The following PTPRD variants were observed in gnomAD, a reference collection of about 807,000 sequenced individuals.
PTPRD encodes receptor-type tyrosine-protein phosphatase delta.
A neutral mutation model predicts 214.5 loss-of-function variants in PTPRD; 34 were observed. That is an observed-to-expected ratio of 0.16 (90% CI 0.12 to 0.21). The LOEUF (loss-of-function observed/expected upper bound fraction) is 0.21. Among genes scored for constraint, PTPRD ranks in the 10% least tolerant of loss-of-function variants. PTPRD has a pLI of 1.00. For missense variants in PTPRD, 2,545 were observed against 2,398.7 expected (o/e 1.06, Z -1.27); for synonymous variants, 1,128 against 845.7 (o/e 1.33, Z -5.79).
intron 39 of PTPRD, among the ~76,000 whole-genome samples, chr9:8,347,573 G>A (rs1423517004): frequency 1.3e-5 from 2 of 152,150 alleles, no homozygotes; most frequent in East Asian, 1.9e-4. Flanking sequence ...AAGTGCCATT[G>A]AAACTGAAAT....
intron 5 of PTPRD, among the ~76,000 whole-genome samples, chr9:9,798,281 TTAATA>T (rs1247952222): frequency 2.6e-5 from 4 of 152,152 alleles, no homozygotes; most frequent in South Asian, 4.1e-4. Flanking sequence ...TCATATTTAT[TTAATA>T]TGAGTTTTAC....
intron 7 of PTPRD, among the ~76,000 whole-genome samples, chr9:9,716,825 C>A (rs1182312975): frequency 2.0e-5 from 3 of 151,670 alleles, no homozygotes; most frequent in Non-Finnish European, 4.4e-5. Context: ...ATGGTAGTTT[C>A]TTTTGCTGTG....
At chr9:8,725,216 G>A (rs1157754086) in intron 12 of PTPRD, among the ~76,000 whole-genome samples, 2 of 152,170 alleles carry the variant, frequency 1.3e-5, no homozygotes, top group African/African-American at 2.4e-5. Flanking sequence ...TTTCAGAACA[G>A]ATGAGCCACT....
intron 2 of PTPRD, among the ~76,000 whole-genome samples, chr9:10,600,875 TATA>T (rs2077790196): frequency 6.6e-6 from 1 of 151,778 alleles, no homozygotes; most frequent in South Asian, 2.1e-4. Context: ...AGAAAATGCA[TATA>T]ATATTACAAA....
intron 8 of PTPRD, among the ~76,000 whole-genome samples, chr9:9,553,483 G>A (rs2080815148): frequency 6.6e-6 from 1 of 151,748 alleles, no homozygotes; most frequent in East Asian, 1.9e-4. Context: ...TAAGACAACT[G>A]CCCAAACTCT....
At chr9:8,586,418 G>C (rs1402798182) in intron 14 of PTPRD, among the ~76,000 whole-genome samples, 1 of 152,082 alleles carries the variant, frequency 6.6e-6, no homozygotes, top group Non-Finnish European at 1.5e-5. Flanking sequence ...CCATAGCAGT[G>C]TCAGCCTCTA....
chr9:10,337,331 T>C (rs568045952), intron 3 of PTPRD, among the ~76,000 whole-genome samples: 1 of 151,816 alleles, frequency 6.6e-6, no homozygotes, highest in African/African-American at 2.4e-5. Flanking sequence ...AAGATACAGA[T>C]ATGCTATTCA....
chr9:9,188,222 T>C (rs886877155), intron 9 of PTPRD, among the ~76,000 whole-genome samples: 3 of 152,132 alleles, frequency 2.0e-5, no homozygotes, highest in Admixed American at 1.3e-4. Flanking sequence ...ACATTCATGT[T>C]GTAATTTGTC....
intron 5 of PTPRD, among the ~76,000 whole-genome samples, chr9:9,785,795 T>C (rs970762408): frequency 2.0e-5 from 3 of 152,092 alleles, no homozygotes; most frequent in African/African-American, 4.8e-5. Flanking sequence ...ACAATGGCTA[T>C]GTCAGTTGTT....
At chr9:8,854,298 G>A (rs2097872848) in intron 11 of PTPRD, among the ~76,000 whole-genome samples, 1 of 152,124 alleles carries the variant, frequency 6.6e-6, no homozygotes, top group African/African-American at 2.4e-5. Context: ...AATACACAAT[G>A]AAACTAAAGA....
intron 5 of PTPRD, among the ~76,000 whole-genome samples, chr9:9,908,688 T>G (rs1381291683): frequency 2.0e-5 from 3 of 152,072 alleles, no homozygotes; most frequent in Admixed American, 1.3e-4. Flanking sequence ...TTTTCTGTTC[T>G]TTATCTTGCT....
chr9:10,000,334 C>G (rs2096276136), intron 4 of PTPRD, among the ~76,000 whole-genome samples: 1 of 152,080 alleles, frequency 6.6e-6, no homozygotes, highest in South Asian at 2.1e-4. Flanking sequence ...ATAATCCAAC[C>G]CTATATTTTT....
intron 10 of PTPRD, among the ~76,000 whole-genome samples, chr9:9,160,575 C>T (rs528294518): frequency 6.6e-6 from 1 of 152,158 alleles, no homozygotes; most frequent in Admixed American, 6.5e-5. Flanking sequence ...TTGTCTTTTG[C>T]TGGTGGAAAT....
At chr9:10,100,738 C>T (rs1591191698) in intron 3 of PTPRD, among the ~76,000 whole-genome samples, 1 of 151,590 alleles carries the variant, frequency 6.6e-6, no homozygotes, top group African/African-American at 2.4e-5. Flanking sequence ...TCGTAAGTGT[C>T]ATGTTCTGTT....
At chr9:9,421,399 G>C (rs1327950145) in intron 8 of PTPRD, among the ~76,000 whole-genome samples, 1 of 151,822 alleles carries the variant, frequency 6.6e-6, no homozygotes, top group African/African-American at 2.4e-5. Flanking sequence ...TATTTCTTAG[G>C]AATCACGAGA....
intron 2 of PTPRD, among the ~76,000 whole-genome samples, chr9:10,382,492 G>T (rs996485863): frequency 6.6e-6 from 1 of 151,982 alleles, no homozygotes; most frequent in African/African-American, 2.4e-5. Flanking sequence ...AAGAATTATT[G>T]AAATACAATC....
chr9:9,171,566 A>C (rs558439696), intron 10 of PTPRD, among the ~76,000 whole-genome samples: 70 of 152,082 alleles, frequency 4.6e-4, no homozygotes, highest in Non-Finnish European at 7.9e-4. Flanking sequence ...AGTTTGGAGG[A>C]AACAATCATG....
chr9:10,593,729 T>C (rs549733976), intron 2 of PTPRD, among the ~76,000 whole-genome samples: 81 of 152,076 alleles, frequency 5.3e-4, no homozygotes, highest in African/African-American at 1.9e-3. Flanking sequence ...TCCAGAGAAA[T>C]GTTAATGAAT....
At chr9:9,172,740 C>T (rs1429344401) in intron 10 of PTPRD, among the ~76,000 whole-genome samples, 1 of 152,090 alleles carries the variant, frequency 6.6e-6, no homozygotes, top group Non-Finnish European at 1.5e-5. Flanking sequence ...ATCCAGGTAG[C>T]TCTAAGCAAT....
Sources: allele counts gnomAD v4.1 joint callset (sites outside exome capture counted in the v4.1 genomes callset), GRCh38; gene constraint gnomAD v4.1.1; transcripts MANE v1.5; gene names NCBI Gene and HGNC (gene_info 2026-07-23, HGNC 2026-07-21).